NECTIN3: variants seen among roughly 807,000 people sequenced by gnomAD.
NECTIN3 encodes nectin-3.
In NECTIN3, 8 loss-of-function variants were observed where a neutral mutation model predicts 49.4. The ratio of observed to expected loss-of-function variants is 0.16; its 90% CI spans 0.10 to 0.29. The LOEUF (loss-of-function observed/expected upper bound fraction) is 0.29, where lower values mean the gene tolerates loss of function less well. NECTIN3 is among the 10% of genes least tolerant of loss of function. The pLI is 1.00. For synonymous variants in NECTIN3, 277 were observed against 241.1 expected (o/e 1.15, Z -1.38); for missense variants, 581 against 654.6 (o/e 0.89, Z 1.23).
Position 111,134,032 on chromosome 3 carries a change from GC to G in NECTIN3, c.1469del (p.Pro490LeufsTer9). ...NLIRKDYLEE[P>X]EKTQWNNVEN... ...TAATACGTAAAGACTATTTAGAAGA[GC>G]CTGAAAAAACTCAGTGGAACAATGT... On this transcript the variant is annotated frameshift_variant, in exon 6 of 6. Coordinates refer to ENST00000485303, the MANE Select transcript of NECTIN3 (RefSeq NM_015480.3). LOFTEE classifies it high-confidence loss of function. 1 of 1,612,934 alleles carries G rather than the reference GC, an allele frequency of 6.2e-7. No homozygotes were observed. The highest frequency in any genetic ancestry group is 8.5e-7 in the Non-Finnish European group (1 of 1,179,482).
intron 7 of NECTIN3, among the ~76,000 whole-genome samples, chr3:111,163,089 G>A (rs1041954923): frequency 1.3e-5 from 2 of 152,184 alleles, no homozygotes; most frequent in African/African-American, 4.8e-5. Context: ...TGGGGCTGTA[G>A]TCATCTGAAT....
At chr3:111,137,798 G>A (rs1443803577), downstream of NECTIN3, among the ~76,000 whole-genome samples, 1 of 141,878 alleles carries the variant, frequency 7.0e-6, no homozygotes, top group Non-Finnish European at 1.5e-5. Context: ...TTGGTGGTTG[G>A]GTTTTTTTCT....
chr3:111,106,194 A>G (rs919676778), intron 1 of NECTIN3, among the ~76,000 whole-genome samples: 12 of 152,032 alleles, frequency 7.9e-5, no homozygotes, highest in Non-Finnish European at 1.5e-4. Flanking sequence ...GTTCCTTGCT[A>G]ATTGTCTGTT....
intron 1 of NECTIN3, among the ~76,000 whole-genome samples, chr3:111,102,973 G>A (rs577865649): frequency 6.6e-6 from 1 of 152,236 alleles, no homozygotes; most frequent in Non-Finnish European, 1.5e-5. Context: ...AAGACTATAT[G>A]AGTCTGTTTT....
rs890709997 is a variant in NECTIN3 at position 111,072,074 on chromosome 3, T to G, written c.57T>G (p.Leu19=). ...GTCCTGGAGGCGGCAAAGCACAACT[T>G]TCCTCCGCTTCTCTCCTCGGAGCCG... is the stretch of plus-strand genomic sequence containing the variant. ...PLCPGGGKAQ[L]SSASLLGAGL... is the part of the protein sequence containing the mutation. Residue 19 remains leucine, a synonymous_variant, in exon 1 of 6, where the codon CTT becomes CTG. Coordinates refer to ENST00000485303, the MANE Select transcript of NECTIN3 (RefSeq NM_015480.3). 6.5e-7 allele frequency: 1 copy of G among 1,549,006 alleles called. No homozygotes were observed.
At chr3:111,086,003 A>G (rs2031901289) in intron 1 of NECTIN3, among the ~76,000 whole-genome samples, 1 of 152,138 alleles carries the variant, frequency 6.6e-6, no homozygotes, top group African/African-American at 2.4e-5. Context: ...TCTTTTAACC[A>G]TTCTGGTCAG....
intron 5 of NECTIN3, among the ~76,000 whole-genome samples, chr3:111,132,918 G>A (rs2034445387): frequency 6.6e-6 from 1 of 151,532 alleles, no homozygotes; most frequent in Non-Finnish European, 1.5e-5. Flanking sequence ...AGTTTCCTTT[G>A]GTAATAGCCT....
upstream of NECTIN3, among the ~76,000 whole-genome samples, chr3:111,188,346 C>A (rs2035757473): frequency 6.6e-6 from 1 of 152,132 alleles, no homozygotes; most frequent in African/African-American, 2.4e-5. Flanking sequence ...TCTGCATACA[C>A]AATTTTACTA....
Position 111,089,848 on chromosome 3 carries a change from GT to G in NECTIN3, c.160+17674del, listed in dbSNP as rs1356680635. ...TTTTGCTTCTGTTAATTAATGAGCA[GT>G]TTATTAAAATTGTATGCCATGATGT... On this transcript the variant is annotated intron_variant, in intron 1 of 5. Transcript: ENST00000485303. Among the ~76,000 whole-genome samples the G allele has an allele frequency of 2.6e-5, 4 of 152,118 alleles. No homozygotes were observed. In the South Asian group the frequency reaches 6.2e-4, roughly 24 times the overall value.
chr3:111,073,441 AC>A (rs1290614814), intron 1 of NECTIN3: 1 of 152,260 alleles, frequency 6.6e-6, no homozygotes, highest in African/African-American at 2.4e-5. Context: ...ACAGTTTACC[AC>A]CACGTTTCCA....
chr3:111,173,930 T>G (rs2035478612), intron 7 of NECTIN3, among the ~76,000 whole-genome samples: 1 of 152,178 alleles, frequency 6.6e-6, no homozygotes. Context: ...CCCCTGGGCT[T>G]TGAGAACCTA....
intron 1 of NECTIN3, among the ~76,000 whole-genome samples, chr3:111,100,560 C>A (rs1178307386): frequency 6.6e-6 from 1 of 151,914 alleles, no homozygotes; most frequent in Non-Finnish European, 1.5e-5. Context: ...AAGAAAAAAA[C>A]AGCCAAAATT....
At chr3:111,171,670 T>C (rs1051521981) in intron 7 of NECTIN3, among the ~76,000 whole-genome samples, 1 of 151,764 alleles carries the variant, frequency 6.6e-6, no homozygotes, top group Non-Finnish European at 1.5e-5. Context: ...TTTATAGAGA[T>C]ATTATATGAC....
chr3:111,118,245 A>ATATAT (rs1576124341), intron 2 of NECTIN3, among the ~76,000 whole-genome samples: 1 of 33,780 alleles, frequency 3.0e-5, no homozygotes, highest in East Asian at 8.3e-4. Context: ...CTGTAAAATG[A>ATATAT]AGCTATATAT....
rs1038954469 is a variant in NECTIN3, at chr3:111,136,151, A to C, written c.*1936A>C. ...GATGTAAAACTATGGCTTTTTTTAAAATCAAAATTTCATCTTTTAAAATAA... is the reference window on the plus strand; with the variant it reads ...GATGTAAAACTATGGCTTTTTTTAACATCAAAATTTCATCTTTTAAAATAA... On this transcript the variant is annotated 3_prime_UTR_variant, in exon 6 of 6. Transcript: ENST00000485303. 1.6e-5 allele frequency: 16 copies of C among 981,830 alleles called. No homozygotes were observed. In the African/African-American group the frequency reaches 2.6e-4, roughly 16 times the overall value. 60.8% of individuals were successfully genotyped at this position (981,830 alleles called of 1,614,324 possible).
intron 7 of NECTIN3, among the ~76,000 whole-genome samples, chr3:111,165,617 C>A (rs904318311): frequency 1.3e-5 from 2 of 152,140 alleles, no homozygotes; most frequent in Non-Finnish European, 1.5e-5. Context: ...CAAAGGAAGT[C>A]TTTTTAGTTC....
chr3:111,185,143 A>C (rs1022859424), intron 7 of NECTIN3, among the ~76,000 whole-genome samples: 3 of 152,020 alleles, frequency 2.0e-5, no homozygotes, highest in Admixed American at 2.0e-4. Flanking sequence ...AGCTTTTTTT[A>C]TGTGTGTCTT....
At chr3:111,177,012 T>A (rs926403045) in intron 7 of NECTIN3, among the ~76,000 whole-genome samples, 6 of 152,178 alleles carry the variant, frequency 3.9e-5, no homozygotes, top group Non-Finnish European at 7.4e-5. Context: ...GCCTTTTCTG[T>A]TTTAATTTTT....
At chr3:111,074,223 A>G in intron 1 of NECTIN3, 4 of 456,396 alleles carry the variant, frequency 8.8e-6, no homozygotes, top group South Asian at 1.6e-5. Context: ...ATGGAAGCTT[A>G]GTGGTATGGA....
Sources: allele counts gnomAD v4.1 joint callset (sites outside exome capture counted in the v4.1 genomes callset), GRCh38; gene constraint gnomAD v4.1.1; transcripts MANE v1.5; gene names NCBI Gene and HGNC (gene_info 2026-07-23, HGNC 2026-07-21).